Variants in NBAS observed in about 807,000 individuals in gnomAD.
NBAS encodes the protein NAG/BC035112 fusion.
A neutral mutation model predicts 302.5 loss-of-function variants in NBAS; 219 were observed. The ratio of observed to expected loss-of-function variants is 0.72; its 90% CI spans 0.65 to 0.81. The LOEUF is 0.81. NBAS is among the 30% of genes least tolerant of loss of function. The probability of loss-of-function intolerance (pLI) is 0.00; values close to 1 mark genes in which losing one functional copy is unlikely to be tolerated. For missense variants in NBAS, 2,932 were observed against 2,841.6 expected (o/e 1.03, Z -0.72); for synonymous variants, 1,118 against 1,021.6 (o/e 1.09, Z -1.80).
chr2:14,799,616 A>G, the NBAS span, among the ~76,000 whole-genome samples: 1 of 152,148 alleles, frequency 6.6e-6, no homozygotes, highest in South Asian at 2.1e-4. Flanking sequence ...CTATATCCTC[A>G]CCAAGCTTCT....
At chr2:15,099,147 A>T in the NBAS span, among the ~76,000 whole-genome samples, 7 of 152,098 alleles carry the variant, frequency 4.6e-5, no homozygotes, top group African/African-American at 1.4e-4. Flanking sequence ...TACTAAAAAT[A>T]CAAAAATTAG....
chr2:15,234,486 GCACCATCACTGACAAAGTGT>G, intron 46 of NBAS, 39 bp downstream of exon 46: 1 of 1,532,950 alleles, frequency 6.5e-7, no homozygotes, highest in Non-Finnish European at 9.0e-7. Context: ...TGACAGTTTA[GCACCATCACTGACAAAGTGT>G]CACCCCAGTT....
the NBAS span, among the ~76,000 whole-genome samples, chr2:14,807,440 CGT>C: frequency 4.7e-5 from 6 of 128,492 alleles, no homozygotes; most frequent in East Asian, 2.1e-4. Context: ...TTTCAAATCC[CGT>C]GTGTGTGTGT....
At chr2:14,902,142 AT>A in the NBAS span, among the ~76,000 whole-genome samples, 1 of 151,762 alleles carries the variant, frequency 6.6e-6, no homozygotes, top group South Asian at 2.1e-4. Flanking sequence ...TTTCTCTTTC[AT>A]TTTTTTGAGA....
the NBAS span, among the ~76,000 whole-genome samples, chr2:14,815,083 C>T: frequency 6.6e-6 from 1 of 152,166 alleles, no homozygotes; most frequent in Non-Finnish European, 1.5e-5. Flanking sequence ...CCCAATCATG[C>T]TTCCTGTATA....
At chr2:15,355,720 C>G (rs1014778046) in intron 33 of NBAS, among the ~76,000 whole-genome samples, 11 of 152,240 alleles carry the variant, frequency 7.2e-5, no homozygotes, top group African/African-American at 2.6e-4. Flanking sequence ...TCTCTTCCTT[C>G]TAATCCAGCC....
chr2:15,509,707 A>G (rs532856806), intron 10 of NBAS, among the ~76,000 whole-genome samples: 62 of 152,302 alleles, frequency 4.1e-4, no homozygotes, highest in African/African-American at 1.3e-3. Flanking sequence ...ATATTTTTTG[A>G]CAAATTCATT....
intron 30 of NBAS, 78 bp from the exon 31 acceptor site, chr2:15,374,798 A>C: frequency 8.2e-7 from 1 of 1,214,870 alleles, no homozygotes. Flanking sequence ...GAGATCTAAC[A>C]CATATTTATC....
the NBAS span, among the ~76,000 whole-genome samples, chr2:15,094,349 C>CA: frequency 3.3e-3 from 509 of 152,038 alleles, 6 homozygotes; most frequent in African/African-American, 0.012. Flanking sequence ...ATCAATAGAA[C>CA]AAAAAAATAC....
At chr2:15,354,233 C>T (rs2148305750) in intron 33 of NBAS, among the ~76,000 whole-genome samples, 1 of 152,272 alleles carries the variant, frequency 6.6e-6, no homozygotes, top group Admixed American at 6.5e-5. Context: ...GATAGATCTC[C>T]ATACAGAATC....
At chr2:15,544,438 G>A (rs925908788) in intron 6 of NBAS, among the ~76,000 whole-genome samples, 7 of 152,000 alleles carry the variant, frequency 4.6e-5, no homozygotes, top group Non-Finnish European at 7.4e-5. Context: ...AATTCTCTAT[G>A]GGAAAAGATG....
At chr2:14,980,230 C>T in the NBAS span, among the ~76,000 whole-genome samples, 1 of 152,080 alleles carries the variant, frequency 6.6e-6, no homozygotes, top group Non-Finnish European at 1.5e-5. Flanking sequence ...CCCCAGCTGC[C>T]TCTTCTCAAC....
chr2:14,965,566 T>C, the NBAS span, among the ~76,000 whole-genome samples: 1 of 152,152 alleles, frequency 6.6e-6, no homozygotes, highest in Non-Finnish European at 1.5e-5. Flanking sequence ...CATAGCCAAA[T>C]GGCTACACTG....
At chr2:14,928,556 T>C in the NBAS span, among the ~76,000 whole-genome samples, 3 of 152,158 alleles carry the variant, frequency 2.0e-5, no homozygotes, top group Admixed American at 6.5e-5. Context: ...ATACAAATAA[T>C]AAGAATGATT....
the NBAS span, among the ~76,000 whole-genome samples, chr2:14,881,089 G>A: frequency 6.6e-6 from 1 of 152,074 alleles, no homozygotes; most frequent in African/African-American, 2.4e-5. Context: ...ATCCACCTAA[G>A]TGTCCATCAA....
the NBAS span, among the ~76,000 whole-genome samples, chr2:15,055,030 G>A: frequency 1.3e-5 from 2 of 152,162 alleles, no homozygotes; most frequent in African/African-American, 2.4e-5. Context: ...TACAGCTTCC[G>A]ACTTTGGGAT....
intron 44 of NBAS, among the ~76,000 whole-genome samples, chr2:15,266,703 A>G (rs146717818): frequency 1.5e-3 from 234 of 152,190 alleles, no homozygotes; most frequent in East Asian, 5.4e-3. Context: ...CTCATCCTCA[A>G]TTCTTAATAT....
chr2:14,888,341 G>A, the NBAS span, among the ~76,000 whole-genome samples: 1 of 152,018 alleles, frequency 6.6e-6, no homozygotes, highest in Non-Finnish European at 1.5e-5. Flanking sequence ...ATGTTGGCCA[G>A]GCTGCTCTTG....
chr2:15,420,911 G>A (rs1434660714), intron 23 of NBAS, among the ~76,000 whole-genome samples: 1 of 152,102 alleles, frequency 6.6e-6, no homozygotes. Context: ...AAGACCTAGG[G>A]ATGGACAAGT....
Sources: gnomAD v4.1 joint callset for allele counts (sites outside exome capture counted in the v4.1 genomes callset) on GRCh38, gnomAD v4.1.1 for gene constraint, MANE v1.5 for transcripts, NCBI Gene and HGNC (gene_info 2026-07-23, HGNC 2026-07-21) for gene names.